ZSCAN5A: variants seen among roughly 807,000 people sequenced by gnomAD.
ZSCAN5A encodes zinc finger and SCAN domain containing 5A, also known as zinc finger and SCAN domain-containing protein 5A.
Under a neutral mutation model 23.7 loss-of-function variants are expected in ZSCAN5A, and 12 were observed. The observed-to-expected ratio is 0.51, with a 90% CI of 0.32 to 0.82. ZSCAN5A has a LOEUF of 0.82. ZSCAN5A is among the 40% of genes least tolerant of loss of function. The probability of loss-of-function intolerance (pLI) is 0.03; values close to 1 mark genes in which losing one functional copy is unlikely to be tolerated. For missense variants in ZSCAN5A, 597 were observed against 617.9 expected (o/e 0.97, Z 0.36); for synonymous variants, 257 against 239.9 (o/e 1.07, Z -0.66).
intron 2 of ZSCAN5A, among the ~76,000 whole-genome samples, chr19:56,335,747 G>A (rs964911224): frequency 3.9e-5 from 6 of 152,208 alleles, no homozygotes; most frequent in African/African-American, 1.4e-4. Context: ...CATGTTTAGT[G>A]CTTCCTTCAG....
At chr19:56,246,256 G>T in intron 2 of ZSCAN5A, 1 of 246,114 alleles carries the variant, frequency 4.1e-6, no homozygotes, top group South Asian at 8.9e-5. Context: ...AAGGGACAGT[G>T]ATGTCCATGA....
chr19:56,319,077 A>T (rs1220582208), upstream of ZSCAN5A, among the ~76,000 whole-genome samples: 1 of 152,186 alleles, frequency 6.6e-6, no homozygotes, highest in East Asian at 1.9e-4. Context: ...AGAATCAACT[A>T]ATGTCAAGTT....
intron 2 of ZSCAN5A, among the ~76,000 whole-genome samples, chr19:56,292,451 GTTTTTACTTTTTTTT>G (rs1239554892): frequency 1.4e-5 from 2 of 144,700 alleles, no homozygotes; most frequent in Non-Finnish European, 1.5e-5. Flanking sequence ...TTTTTTGTCT[GTTTTTACTTTTTTTT>G]TTTTTACTTT....
intron 2 of ZSCAN5A, among the ~76,000 whole-genome samples, chr19:56,292,645 C>A (rs926759938): frequency 6.6e-6 from 1 of 151,890 alleles, no homozygotes; most frequent in African/African-American, 2.4e-5. Context: ...TGGTGTGCAA[C>A]CATCACCACT....
At chr19:56,242,335 C>CT (rs1332488674) in intron 2 of ZSCAN5A, among the ~76,000 whole-genome samples, 42 of 152,320 alleles carry the variant, frequency 2.8e-4, no homozygotes, top group African/African-American at 8.9e-4. Context: ...ATGTCTTCAT[C>CT]TGAGGTGTCC....
intron 2 of ZSCAN5A, among the ~76,000 whole-genome samples, chr19:56,288,381 C>G (rs2039280060): frequency 6.6e-6 from 1 of 152,208 alleles, no homozygotes; most frequent in Non-Finnish European, 1.5e-5. Flanking sequence ...TGCTCATCTT[C>G]CAGGTCTCAG....
At chr19:56,300,981 G>C (rs755030914) in intron 2 of ZSCAN5A, among the ~76,000 whole-genome samples, 8 of 152,174 alleles carry the variant, frequency 5.3e-5, no homozygotes, top group Non-Finnish European at 8.8e-5. Context: ...GGATGAGAAA[G>C]AGAAAGGATG....
At chr19:56,291,548 C>T (rs1240863551) in intron 2 of ZSCAN5A, among the ~76,000 whole-genome samples, 4 of 151,934 alleles carry the variant, frequency 2.6e-5, no homozygotes, top group African/African-American at 4.8e-5. Flanking sequence ...TTTTCCTCTC[C>T]TCTCCTTCCT....
At chr19:56,335,474 G>A (rs915046620) in intron 2 of ZSCAN5A, among the ~76,000 whole-genome samples, 9 of 152,216 alleles carry the variant, frequency 5.9e-5, no homozygotes, top group African/African-American at 2.2e-4. Flanking sequence ...GAGCCTATGT[G>A]TGTCTCTGCA....
chr19:56,230,439 G>A (rs10403345), intron 2 of ZSCAN5A, among the ~76,000 whole-genome samples: 98,803 of 152,000 alleles, frequency 0.65, 32,300 homozygotes, highest in East Asian at 0.82. Flanking sequence ...ACAGGTATAC[G>A]TTGTGATGCA....
At chr19:56,264,661 C>T (rs2037344991) in intron 2 of ZSCAN5A, among the ~76,000 whole-genome samples, 1 of 152,174 alleles carries the variant, frequency 6.6e-6, no homozygotes. Context: ...AGCTAGCTCC[C>T]CTTGCTTATG....
intron 2 of ZSCAN5A, among the ~76,000 whole-genome samples, chr19:56,344,279 A>C (rs2041615056): frequency 6.6e-6 from 1 of 152,260 alleles, no homozygotes; most frequent in Admixed American, 6.5e-5. Flanking sequence ...TAAAGCCACA[A>C]GATTAGAAGT....
At chr19:56,239,062 G>A (rs2035207638) in intron 2 of ZSCAN5A, among the ~76,000 whole-genome samples, 1 of 152,222 alleles carries the variant, frequency 6.6e-6, no homozygotes, top group South Asian at 2.1e-4. Flanking sequence ...AAATGACCTT[G>A]TGTCGGGCAC....
At chr19:56,272,758 C>G (rs1568676932) in intron 2 of ZSCAN5A, 10 of 536,274 alleles carry the variant, frequency 1.9e-5, no homozygotes, top group Non-Finnish European at 2.1e-5. Flanking sequence ...GTCCCTGGAG[C>G]CTGGGAAGAC....
Position 56,256,989 on chromosome 19 carries a change from T to G in ZSCAN5A, c.-127-31816A>C, listed in dbSNP as rs187959224. The stretch of plus-strand genomic sequence containing the variant: ...CTGGTGGGAAGGGGAAATTAAATGC[T>G]CATTTAACTTAACATGTGGGATGTC... On this transcript the variant is annotated intron_variant, in intron 2 of 5. Coordinates refer to ENST00000683990, the MANE Select transcript of ZSCAN5A (RefSeq NM_001322064.3). Among the ~76,000 whole-genome samples the G allele has an allele frequency of 2.6e-5, 4 of 152,256 alleles. No individual in the cohort carries two copies. The East Asian group carries it at 7.7e-4, about 29-fold the overall frequency.
At chr19:56,263,832 A>G (rs974596877) in intron 2 of ZSCAN5A, 4 of 152,220 alleles carry the variant, frequency 2.6e-5, no homozygotes, top group Admixed American at 2.6e-4. Flanking sequence ...AACAATAATT[A>G]TAATAGTATT....
intron 2 of ZSCAN5A, among the ~76,000 whole-genome samples, chr19:56,326,573 C>T (rs779573694): frequency 2.0e-5 from 3 of 152,050 alleles, no homozygotes; most frequent in Non-Finnish European, 2.9e-5. Flanking sequence ...ATGGGAATCA[C>T]GCAGTATGTG....
chr19:56,302,305 CTT>C (rs1417952654), intron 2 of ZSCAN5A, among the ~76,000 whole-genome samples: 3 of 148,522 alleles, frequency 2.0e-5, no homozygotes, highest in African/African-American at 7.3e-5. Flanking sequence ...CTTCTTCCCT[CTT>C]TTCTCCCTCC....
chr19:56,284,788 C>T (rs1044509576), intron 2 of ZSCAN5A, among the ~76,000 whole-genome samples: 1 of 152,126 alleles, frequency 6.6e-6, no homozygotes, highest in African/African-American at 2.4e-5. Context: ...GCTAGGATTA[C>T]AGGCCTGAGC....
Sources: allele counts gnomAD v4.1 joint callset (sites outside exome capture counted in the v4.1 genomes callset), GRCh38; gene constraint gnomAD v4.1.1; transcripts MANE v1.5; gene names NCBI Gene and HGNC (gene_info 2026-07-23, HGNC 2026-07-21).